EXOC6B: variants seen among roughly 807,000 people sequenced by gnomAD.
EXOC6B encodes the protein exocyst complex component 6B, also known as SEC15 homolog B.
A neutral mutation model predicts 113.5 loss-of-function variants in EXOC6B; 54 were observed. The observed-to-expected ratio is 0.48, with a 90% CI of 0.38 to 0.60. The LOEUF is 0.60. Ranked by LOEUF, EXOC6B falls within the 20% of genes least tolerant of loss-of-function variation. EXOC6B has a pLI of 0.00. For missense variants in EXOC6B, 797 were observed against 977.5 expected, an observed-to-expected ratio of 0.82 and a Z score of 2.46; for synonymous variants, 357 against 339.0, an observed-to-expected ratio of 1.05 and a Z score of -0.58.
chr2:72,281,436 C>T (rs1240759988), intron 20 of EXOC6B, among the ~76,000 whole-genome samples: 1 of 152,072 alleles, frequency 6.6e-6, no homozygotes, highest in East Asian at 1.9e-4. Context: ...GAATAAAATA[C>T]AGAATTTCAC....
chr2:72,634,430 C>T (rs1444977671), intron 6 of EXOC6B, among the ~76,000 whole-genome samples: 1 of 152,146 alleles, frequency 6.6e-6, no homozygotes, highest in Non-Finnish European at 1.5e-5. Context: ...CTTCCAATGC[C>T]TCCAGGCTAT....
chr2:72,415,257 C>G (rs897611015), intron 18 of EXOC6B, among the ~76,000 whole-genome samples: 2 of 151,598 alleles, frequency 1.3e-5, no homozygotes, highest in African/African-American at 4.9e-5. Context: ...GTCAGTCTCT[C>G]AAATACTTAG....
At chr2:72,734,957 C>T (rs1350944376) in intron 2 of EXOC6B, among the ~76,000 whole-genome samples, 1 of 152,118 alleles carries the variant, frequency 6.6e-6, no homozygotes, top group African/African-American at 2.4e-5. Flanking sequence ...ATCTGAAGAG[C>T]TATCAGAAGT....
chr2:72,449,022 T>C (rs552705106), intron 18 of EXOC6B, among the ~76,000 whole-genome samples: 14 of 152,362 alleles, frequency 9.2e-5, no homozygotes, highest in African/African-American at 3.4e-4. Context: ...AACAAGCCTA[T>C]TGTTTCCCTT....
chr2:72,296,037 A>G (rs1686115913), intron 20 of EXOC6B, among the ~76,000 whole-genome samples: 2 of 152,098 alleles, frequency 1.3e-5, no homozygotes, highest in South Asian at 2.1e-4. Context: ...GTGGCTATGG[A>G]TTTGTCCAAG....
chr2:72,220,372 A>T (rs947168662), intron 20 of EXOC6B, among the ~76,000 whole-genome samples: 1 of 152,124 alleles, frequency 6.6e-6, no homozygotes, highest in Non-Finnish European at 1.5e-5. Flanking sequence ...GCAACTAGAA[A>T]ATACAGGAAG....
At chr2:72,759,649 C>A (rs1682628070) in intron 1 of EXOC6B, among the ~76,000 whole-genome samples, 1 of 152,064 alleles carries the variant, frequency 6.6e-6, no homozygotes, top group Non-Finnish European at 1.5e-5. Context: ...ACCCAAAAAA[C>A]TCTAGAATCT....
intron 19 of EXOC6B, among the ~76,000 whole-genome samples, chr2:72,378,739 C>A (rs1399788111): frequency 6.6e-6 from 1 of 151,932 alleles, no homozygotes; most frequent in African/African-American, 2.4e-5. Flanking sequence ...TGAGCAGACT[C>A]GTGTAATTTC....
chr2:72,697,369 T>C (rs988724493), intron 6 of EXOC6B, among the ~76,000 whole-genome samples: 1 of 152,034 alleles, frequency 6.6e-6, no homozygotes, highest in Admixed American at 6.6e-5. Context: ...ATGCACTAGG[T>C]CATGTAGTAA....
Position 72,364,384 on chromosome 2 carries a change from G to GA in EXOC6B, c.2122+15344dup, listed in dbSNP as rs574838206. Among the ~76,000 whole-genome samples the GA allele has an allele frequency of 3.5e-3, 539 of 151,936 alleles. 3 individuals are homozygous for GA. The highest frequency in any genetic ancestry group is 0.012 in the African/African-American group (513 of 41,466). On this transcript the variant is annotated intron_variant, in intron 19 of 21. Transcript: ENST00000272427. ...CCTTAGTGGCTCTAAAATATATGAG[G>GA]AAAAAAAATTTCACTGCTGATATTA...
chr2:72,539,100 A>T (rs377716621), intron 8 of EXOC6B, among the ~76,000 whole-genome samples: 89 of 152,330 alleles, frequency 5.8e-4, no homozygotes, highest in African/African-American at 2.0e-3. Flanking sequence ...CACAAAACTG[A>T]AGCACAAAAG....
intron 1 of EXOC6B, among the ~76,000 whole-genome samples, chr2:72,755,448 G>A (rs1160876596): frequency 1.3e-5 from 2 of 152,062 alleles, no homozygotes; most frequent in Admixed American, 6.6e-5. Context: ...GTATCCCACA[G>A]AGAAAGCATT....
intron 20 of EXOC6B, among the ~76,000 whole-genome samples, chr2:72,300,253 C>T (rs562458606): frequency 2.6e-5 from 4 of 152,264 alleles, no homozygotes; most frequent in South Asian, 2.1e-4. Context: ...GCAGTCTGGC[C>T]GCAGTGGCCT....
At chr2:72,375,708 G>C (rs1443633729) in intron 19 of EXOC6B, among the ~76,000 whole-genome samples, 1 of 151,990 alleles carries the variant, frequency 6.6e-6, no homozygotes, top group African/African-American at 2.4e-5. Flanking sequence ...TATTAGAAAA[G>C]AAGATAATCT....
At chr2:72,714,979 C>T (rs2104704547) in intron 6 of EXOC6B, among the ~76,000 whole-genome samples, 2 of 152,140 alleles carry the variant, frequency 1.3e-5, no homozygotes, top group South Asian at 4.1e-4. Context: ...TTTTAATAAA[C>T]GTTTGTGCCA....
chr2:72,668,037 A>G (rs1460824347), intron 6 of EXOC6B, among the ~76,000 whole-genome samples: 1 of 152,186 alleles, frequency 6.6e-6, no homozygotes, highest in Non-Finnish European at 1.5e-5. Context: ...CAATAACCCC[A>G]GTAAAAGTGG....
chr2:72,810,587 C>T (rs1021400021), intron 1 of EXOC6B, among the ~76,000 whole-genome samples: 2 of 151,818 alleles, frequency 1.3e-5, no homozygotes, highest in African/African-American at 4.8e-5. Flanking sequence ...CCAAAGTAAG[C>T]AGCAGGACAG....
chr2:72,290,733 G>A (rs1685730676), intron 20 of EXOC6B, among the ~76,000 whole-genome samples: 1 of 151,812 alleles, frequency 6.6e-6, no homozygotes, highest in African/African-American at 2.4e-5. Flanking sequence ...AAAAACTTCA[G>A]ACAACAGGTT....
chr2:72,401,623 A>G (rs1192715280), intron 18 of EXOC6B, among the ~76,000 whole-genome samples: 10 of 36,326 alleles, frequency 2.8e-4, no homozygotes, highest in Non-Finnish European at 3.9e-4. Context: ...ATATATATAC[A>G]TATATATATA....
Sources: gnomAD v4.1 joint callset for allele counts (sites outside exome capture counted in the v4.1 genomes callset) on GRCh38, gnomAD v4.1.1 for gene constraint, MANE v1.5 for transcripts, NCBI Gene and HGNC (gene_info 2026-07-23, HGNC 2026-07-21) for gene names.